The following ADAMTS2 variants were observed in gnomAD, a reference collection of about 807,000 sequenced individuals.
ADAMTS2 encodes ADAM metallopeptidase with thrombospondin type 1 motif 2.
In ADAMTS2, 50 loss-of-function variants were observed where a neutral mutation model predicts 123.0. The observed-to-expected ratio is 0.41, with a 90% confidence interval of 0.32 to 0.51. The LOEUF is 0.51. Among genes scored for constraint, ADAMTS2 ranks in the 20% least tolerant of loss-of-function variants. The pLI is 0.35. For synonymous variants in ADAMTS2, 678 were observed against 695.4 expected, an observed-to-expected ratio of 0.98 and a Z score of 0.39; for missense variants, 1,494 against 1,705.2, an observed-to-expected ratio of 0.88 and a Z score of 2.18.
intron 3 of ADAMTS2, among the ~76,000 whole-genome samples, chr5:179,217,815 A>G (rs6897917): frequency 0.17 from 16,802 of 96,476 alleles, 1,739 homozygotes; most frequent in African/African-American, 0.26. Context: ...GGGCACACTC[A>G]CTAGGGGATG....
At chr5:179,322,062 T>C (rs1010556923) in intron 2 of ADAMTS2, among the ~76,000 whole-genome samples, 5 of 152,382 alleles carry the variant, frequency 3.3e-5, no homozygotes, top group East Asian at 3.9e-4. Flanking sequence ...TTTACACATA[T>C]GTGCATGGAC....
intron 4 of ADAMTS2, among the ~76,000 whole-genome samples, chr5:179,199,436 A>G (rs252060): frequency 0.9 from 137,716 of 152,236 alleles, 62,489 homozygotes; most frequent in African/African-American, 0.95. Flanking sequence ...GCAGAGGTGA[A>G]CCTCCCGTGA....
At chr5:179,193,709 G>T (rs10076130) in intron 4 of ADAMTS2, among the ~76,000 whole-genome samples, 1 of 152,080 alleles carries the variant, frequency 6.6e-6, no homozygotes, top group East Asian at 1.9e-4. Flanking sequence ...CACCTACTAC[G>T]TGCCAGGCCT....
intron 3 of ADAMTS2, among the ~76,000 whole-genome samples, chr5:179,261,083 G>C (rs989328308): frequency 5.3e-5 from 8 of 152,170 alleles, no homozygotes; most frequent in African/African-American, 1.9e-4. Context: ...GGAAAGGAAA[G>C]AGGAACTACG....
At chr5:179,120,313 G>A (rs1207068374) in intron 21 of ADAMTS2, 1 of 152,144 alleles carries the variant, frequency 6.6e-6, no homozygotes, top group African/African-American at 2.4e-5. Flanking sequence ...GAAAAGCAAC[G>A]ACAATGGAAC....
rs979769241 is a variant in ADAMTS2, at chr5:179,202,177, C to T, written c.891+5336G>A. 2.4e-4 allele frequency among the ~76,000 whole-genome samples: 36 copies of T among 151,930 alleles called. No homozygotes were observed. The highest frequency in any genetic ancestry group is 2.1e-3 in the Admixed American group (32 of 15,278). On this transcript the variant is annotated intron_variant, in intron 4 of 21. Coordinates refer to ENST00000251582, the MANE Select transcript of ADAMTS2 (RefSeq NM_014244.5). This position sits in a 1 kb window ranked among gnomAD's most constrained non-coding sequence, Gnocchi z 4.0. ...TCCACCTCTGGAAGACTGCGGCGGC[C>T]GGCCTTGCCGGCCCCGACTTCCCCT...
In ADAMTS2 at chr5:179,162,941, C is replaced by G. The variant is rs1763625097; in HGVS notation, c.976-4062G>C. 6.6e-6 allele frequency among the ~76,000 whole-genome samples: 1 copy of G among 152,154 alleles called. No individual in the cohort carries two copies. The highest frequency in any genetic ancestry group is 2.4e-5 in the African/African-American group (1 of 41,434). ...AAGATGGCGTCTGATCTGGGGGCAGCTGATATGTTCTGGGGGCAGTTTATA... is the reference window on the plus strand; with the variant it reads ...AAGATGGCGTCTGATCTGGGGGCAGGTGATATGTTCTGGGGGCAGTTTATA... On this transcript the variant is annotated intron_variant, in intron 5 of 21. Transcript: ENST00000251582. The surrounding 1 kb of genome is among the most constrained non-coding windows in gnomAD (Gnocchi z 5.1).
chr5:179,185,249 G>A lies in ADAMTS2; in HGVS notation c.892-4094C>T, dbSNP rs909701682. Reference sequence around the variant, plus strand: ...AAGAAGCTTACTCCAGGTGCCTTACGGAAAGTAGATGGAAGGGGTCAAGAT... The same window carrying A: ...AAGAAGCTTACTCCAGGTGCCTTACAGAAAGTAGATGGAAGGGGTCAAGAT... On this transcript the variant is annotated intron_variant, in intron 4 of 21. Coordinates refer to ENST00000251582, the MANE Select transcript of ADAMTS2 (RefSeq NM_014244.5). This position sits in a 1 kb window ranked among gnomAD's most constrained non-coding sequence, Gnocchi z 5.9. Among the ~76,000 whole-genome samples, 6 of 152,216 alleles carry A rather than the reference G, an allele frequency of 3.9e-5. No homozygotes were observed. The highest frequency in any genetic ancestry group is 7.2e-5 in the African/African-American group (3 of 41,450).
chr5:179,304,666 G>A (rs573574688), intron 2 of ADAMTS2, among the ~76,000 whole-genome samples: 49 of 152,270 alleles, frequency 3.2e-4, no homozygotes, highest in African/African-American at 1.0e-3. Flanking sequence ...AAACTGCAGC[G>A]AGTAAAAATA....
chr5:179,202,515 C>T lies in ADAMTS2; in HGVS notation c.891+4998G>A, dbSNP rs1264819346. On this transcript the variant is annotated intron_variant, in intron 4 of 21. Transcript: ENST00000251582. This position sits in a 1 kb window ranked among gnomAD's most constrained non-coding sequence, Gnocchi z 4.0. Reference sequence around the variant, plus strand: ...TCCTGTTTGTTTTTCACTTCAGTATCGTCTGTGCCTCCCTTCCCAGAATGC... The same window carrying T: ...TCCTGTTTGTTTTTCACTTCAGTATTGTCTGTGCCTCCCTTCCCAGAATGC... Among the ~76,000 whole-genome samples the T allele has an allele frequency of 2.6e-5, 4 of 152,186 alleles. No individual in the cohort carries two copies. Among genetic ancestry groups the T allele is most frequent in the Admixed American group, 6.5e-5 (1 of 15,280 alleles).
At chr5:179,294,031 G>A (rs552508269) in intron 2 of ADAMTS2, among the ~76,000 whole-genome samples, 55 of 152,124 alleles carry the variant, frequency 3.6e-4, no homozygotes, top group African/African-American at 1.3e-3. Flanking sequence ...TTGGGAGGCC[G>A]AGGCAGGAAG....
chr5:179,316,894 T>C lies in ADAMTS2; in HGVS notation c.534+26873A>G, dbSNP rs57811223. Among the ~76,000 whole-genome samples the C allele has an allele frequency of 8.3e-3, 1,267 of 152,152 alleles. 11 individuals carry two copies. Among genetic ancestry groups the C allele is most frequent in the African/African-American group, 0.029 (1,203 of 41,492 alleles). On this transcript the variant is annotated intron_variant, in intron 2 of 21. Coordinates refer to ENST00000251582, the MANE Select transcript of ADAMTS2 (RefSeq NM_014244.5). ...AGGTCAAGGTTGCAGGGAGCTACGA[T>C]TGCACCACTGCCTTCTAGCCCGGGA...
intron 12 of ADAMTS2, 113 bp downstream of exon 12, chr5:179,137,656 G>T: frequency 7.0e-7 from 1 of 1,427,066 alleles, no homozygotes; most frequent in Non-Finnish European, 9.5e-7. Flanking sequence ...TCTCCTGCCA[G>T]CCCAGGGTCG....
rs140701092 is a variant in ADAMTS2 at position 179,298,116 on chromosome 5, G to A, written c.535-25052C>T. 3.5e-4 allele frequency among the ~76,000 whole-genome samples: 54 copies of A among 152,226 alleles called. No individual in the cohort carries two copies. The South Asian group carries it at 5.4e-3, about 15-fold the overall frequency. The stretch of plus-strand genomic sequence containing the variant: ...CCTCGTGCCACAGTGACCCTGCAAC[G>A]CAGATTCCGTGCTCCCTTCAGAAGC... On this transcript the variant is annotated intron_variant, in intron 2 of 21. Coordinates refer to ENST00000251582, the MANE Select transcript of ADAMTS2 (RefSeq NM_014244.5).
At chr5:179,230,659 G>A (rs1033146269) in intron 3 of ADAMTS2, among the ~76,000 whole-genome samples, 12 of 152,168 alleles carry the variant, frequency 7.9e-5, no homozygotes, top group Admixed American at 2.6e-4. Context: ...TTTCACGCAT[G>A]TACCTAAAAC....
intron 4 of ADAMTS2, among the ~76,000 whole-genome samples, chr5:179,182,343 A>G (rs1437262632): frequency 6.6e-6 from 1 of 152,110 alleles, no homozygotes; most frequent in Non-Finnish European, 1.5e-5. Flanking sequence ...GGGGCTGCTG[A>G]CAGCTCCGGA....
chr5:179,342,171 A>C (rs745582471), intron 2 of ADAMTS2, among the ~76,000 whole-genome samples: 9 of 152,212 alleles, frequency 5.9e-5, no homozygotes, highest in South Asian at 4.1e-4. Context: ...TGAATGAAAC[A>C]GTGACAAGTC....
At chr5:179,310,254 G>C (rs1171463321) in intron 2 of ADAMTS2, among the ~76,000 whole-genome samples, 1 of 152,268 alleles carries the variant, frequency 6.6e-6, no homozygotes, top group African/African-American at 2.4e-5. Context: ...GCTCCCAGCG[G>C]GCAGGGATCT....
At chr5:179,219,466 A>C (rs763537234) in intron 3 of ADAMTS2, among the ~76,000 whole-genome samples, 1 of 152,206 alleles carries the variant, frequency 6.6e-6, no homozygotes, top group African/African-American at 2.4e-5. Flanking sequence ...TGAACGATTG[A>C]GGCATCAGAC....
Sources: gnomAD v4.1 joint callset for allele counts (sites outside exome capture counted in the v4.1 genomes callset) on GRCh38, gnomAD v4.1.1 for gene constraint, Gnocchi (gnomAD v3.1) non-coding constraint, MANE v1.5 for transcripts, NCBI Gene and HGNC (gene_info 2026-07-23, HGNC 2026-07-21) for gene names.